Variants in HCFC2 observed in about 807,000 individuals in gnomAD.
The protein encoded by HCFC2 is host cell factor 2.
A neutral mutation model predicts 89.2 loss-of-function variants in HCFC2; 18 were observed. The observed-to-expected ratio is 0.20, with a 90% CI of 0.14 to 0.30. The LOEUF (loss-of-function observed/expected upper bound fraction) is 0.30. Ranked by LOEUF, HCFC2 falls within the 10% of genes least tolerant of loss-of-function variation. The pLI, the probability that HCFC2 is intolerant of heterozygous loss-of-function variation, is 1.00. For synonymous variants in HCFC2, 308 were observed against 335.7 expected, an observed-to-expected ratio of 0.92 and a Z score of 0.90; for missense variants, 578 against 956.1, an observed-to-expected ratio of 0.60 and a Z score of 5.21.
At chr12:104,099,633 C>A (rs1456140437) in intron 13 of HCFC2, among the ~76,000 whole-genome samples, 4 of 150,960 alleles carry the variant, frequency 2.6e-5, no homozygotes, top group Admixed American at 2.6e-4. Flanking sequence ...AAAAAAAAAA[C>A]TTATACAATC....
At chr12:104,094,802 A>G (rs1240779916) in intron 10 of HCFC2, among the ~76,000 whole-genome samples, 1 of 152,164 alleles carries the variant, frequency 6.6e-6, no homozygotes, top group Non-Finnish European at 1.5e-5. Context: ...GATGATGTTT[A>G]CGAGCCAAGG....
intron 9 of HCFC2, among the ~76,000 whole-genome samples, chr12:104,088,329 T>G (rs1883926270): frequency 6.6e-6 from 1 of 152,238 alleles, no homozygotes; most frequent in Admixed American, 6.5e-5. Flanking sequence ...GAAGCCTAGC[T>G]GCATTACACA....
In HCFC2 at chr12:104,106,236, A is replaced by T. The variant is rs2030081823; in HGVS notation, c.*2963A>T. On this transcript the variant is annotated 3_prime_UTR_variant, in exon 15 of 15. Coordinates refer to ENST00000229330, the MANE Select transcript of HCFC2 (RefSeq NM_013320.3). ...TTCAAAGACTTGTAGACTAGCAAAG[A>T]TTCATTCTGATTAGAAATAAGGTCT... The T allele has an allele frequency of 6.6e-6, 1 of 152,180 alleles. No individual in the cohort carries two copies. The highest frequency in any genetic ancestry group is 2.4e-5 in the African/African-American group (1 of 41,468). The allele number at this position is 152,180 out of a possible 1,614,324, so 9.4% of individuals were successfully genotyped here.
chr12:104,093,711 A>G, intron 10 of HCFC2, 148 bp downstream of exon 10: 1 of 643,390 alleles, frequency 1.6e-6, no homozygotes, highest in South Asian at 2.1e-5. Flanking sequence ...TAATGTTAAA[A>G]TACCAAGTAA....
rs758859676 is a variant in HCFC2, at chr12:104,105,227, G to A, written c.*1954G>A. 5.9e-5 allele frequency: 9 copies of A among 151,950 alleles called. No homozygotes were observed. The highest frequency in any genetic ancestry group is 1.3e-4 in the Admixed American group (2 of 15,254). 9.4% of individuals were successfully genotyped at this position (151,950 alleles called of 1,614,324 possible). On this transcript the variant is annotated 3_prime_UTR_variant, in exon 15 of 15. Coordinates refer to ENST00000229330, the MANE Select transcript of HCFC2 (RefSeq NM_013320.3). Reference sequence around the variant, plus strand: ...ATATGAATGGAAAGTTATACTAAAAGTATATGTTTCAAGCCCAGTTATTTT... The same window carrying A: ...ATATGAATGGAAAGTTATACTAAAAATATATGTTTCAAGCCCAGTTATTTT...
chr12:104,097,816 C>A, intron 12 of HCFC2: 1 of 165,874 alleles, frequency 6.0e-6, no homozygotes, highest in Non-Finnish European at 1.2e-5. Context: ...TTAGTATATA[C>A]CAAAGTATAT....
chr12:104,081,620 TAAAC>T (rs1324217272), intron 5 of HCFC2, among the ~76,000 whole-genome samples: 2 of 150,870 alleles, frequency 1.3e-5, no homozygotes, highest in East Asian at 1.9e-4. Context: ...TTTTTTTAAA[TAAAC>T]TCAAAACCAA....
Position 104,064,594 on chromosome 12 carries a change from G to A in HCFC2, c.34G>A (p.Val12Ile). 6.4e-7 allele frequency: 1 copy of A among 1,571,052 alleles called. No homozygotes were observed. Among genetic ancestry groups the A allele is most frequent in the Non-Finnish European group, 8.6e-7 (1 of 1,161,302 alleles). The change falls in exon 1 of 15, where the codon GTT (valine) becomes ATT (isoleucine). Residue 12 changes from valine to isoleucine, a missense_variant. Val to Ile is a conservative substitution (Grantham distance 29). Transcript: ENST00000229330. The surrounding 1 kb of genome is among the most constrained non-coding windows in gnomAD (Gnocchi z 7.3). Reference sequence around the variant, plus strand: ...TCCCAGCCTCCTCAACTGGAGGCGAGTTTCTTCCTTCACGGGGCCGGTCCC... The same window carrying A: ...TCCCAGCCTCCTCAACTGGAGGCGAATTTCTTCCTTCACGGGGCCGGTCCC... The part of the protein sequence containing the change: ...AAPSLLNWRR[V>I]SSFTGPVPRA...
chr12:104,084,775 A>G (rs1174435522), intron 7 of HCFC2, among the ~76,000 whole-genome samples: 29 of 152,206 alleles, frequency 1.9e-4, no homozygotes, highest in Admixed American at 1.8e-3. Flanking sequence ...AGTGGTGACA[A>G]TGGAGGAGGG....
At chr12:104,096,206 T>C (rs1432660556) in intron 11 of HCFC2, among the ~76,000 whole-genome samples, 154 bp from the exon 12 acceptor site, 1 of 152,178 alleles carries the variant, frequency 6.6e-6, no homozygotes, top group Non-Finnish European at 1.5e-5. Context: ...CTCTGGCTGT[T>C]TTTTATTGTG....
chr12:104,073,409 C>T (rs576943264), intron 3 of HCFC2, among the ~76,000 whole-genome samples: 31 of 151,842 alleles, frequency 2.0e-4, no homozygotes, highest in East Asian at 3.9e-4. Flanking sequence ...ATGATCCGCC[C>T]GCCTCAGCCT....
chr12:104,093,332 A>G (rs1884079231), intron 9 of HCFC2, 54 bp from the exon 10 acceptor site: 1 of 1,262,066 alleles, frequency 7.9e-7, no homozygotes, highest in African/African-American at 1.5e-5. Context: ...TTTTACATGT[A>G]TTTGTATTTC....
At chr12:104,092,284 G>T (rs1249479763) in intron 9 of HCFC2, among the ~76,000 whole-genome samples, 1 of 152,022 alleles carries the variant, frequency 6.6e-6, no homozygotes, top group Non-Finnish European at 1.5e-5. Context: ...TTGACAACAT[G>T]GCAAAACCTC....
intron 11 of HCFC2, 77 bp from the exon 12 acceptor site, chr12:104,096,283 A>G: frequency 2.1e-6 from 2 of 945,002 alleles, no homozygotes; most frequent in Non-Finnish European, 3.1e-6. Flanking sequence ...GTGGCATTAA[A>G]TATATATTTA....
chr12:104,078,397 A>T (rs17805766), intron 3 of HCFC2, among the ~76,000 whole-genome samples: 1 of 152,148 alleles, frequency 6.6e-6, no homozygotes, highest in African/African-American at 2.4e-5. Context: ...TTGAAGTTTT[A>T]TATGTCCTGA....
intron 3 of HCFC2, among the ~76,000 whole-genome samples, chr12:104,069,008 G>C (rs1475612088): frequency 6.6e-6 from 1 of 152,012 alleles, no homozygotes; most frequent in Non-Finnish European, 1.5e-5. Context: ...CCTGGGGCAT[G>C]AGCAGCTGTA....
chr12:104,093,448 A>G lies in HCFC2; in HGVS notation c.1347A>G (p.Lys449=), dbSNP rs1408744899. 3 of 1,613,556 alleles carry G rather than the reference A, an allele frequency of 1.9e-6. No homozygotes were observed. The highest frequency in any genetic ancestry group is 2.5e-6 in the Non-Finnish European group (3 of 1,179,706). Residue 449 remains lysine (K), a synonymous_variant, in exon 10 of 15, where the codon AAA becomes AAG. Coordinates refer to ENST00000229330, the MANE Select transcript of HCFC2 (RefSeq NM_013320.3). ...EQPATKETSM[K]NKPDFKALTD... ...CAGCCACAAAAGAAACTTCAATGAA[A>G]AACAAACCAGACTTTAAAGCACTGA...
chr12:104,097,894 T>G (rs1180224471), intron 12 of HCFC2, among the ~76,000 whole-genome samples: 1 of 152,248 alleles, frequency 6.6e-6, no homozygotes, highest in Non-Finnish European at 1.5e-5. Flanking sequence ...GTATTTCAAG[T>G]GCAAAGATCA....
intron 3 of HCFC2, 109 bp from the exon 4 acceptor site, chr12:104,079,335 AC>A (rs1883610941): frequency 1.2e-6 from 1 of 836,088 alleles, no homozygotes; most frequent in Non-Finnish European, 1.8e-6. Context: ...GCCTTTCTGT[AC>A]TATATGAACT....
Sources: allele counts gnomAD v4.1 joint callset (sites outside exome capture counted in the v4.1 genomes callset), GRCh38; gene constraint gnomAD v4.1.1; non-coding constraint Gnocchi (gnomAD v3.1); transcripts MANE v1.5; gene names NCBI Gene and HGNC (gene_info 2026-07-23, HGNC 2026-07-21).